The following PRKCE variants were observed in gnomAD, a reference collection of about 807,000 sequenced individuals.
PRKCE encodes protein kinase C epsilon type.
PRKCE carries 16 observed loss-of-function variants against 85.4 expected under a neutral mutation model. That is an observed-to-expected ratio of 0.19 (90% CI 0.13 to 0.28). The LOEUF is 0.28. Among genes scored for constraint, PRKCE ranks in the 10% least tolerant of loss-of-function variants. The pLI is 1.00. For missense variants in PRKCE, 573 were observed against 975.2 expected, an observed-to-expected ratio of 0.59 and a Z score of 5.49; for synonymous variants, 388 against 371.5, an observed-to-expected ratio of 1.04 and a Z score of -0.51.
chr2:46,155,914 C>T lies in PRKCE; in HGVS notation c.1921-3692C>T, dbSNP rs1677149928. On this transcript the variant is annotated intron_variant, in intron 13 of 14. Coordinates refer to ENST00000306156, the MANE Select transcript of PRKCE (RefSeq NM_005400.3). This position sits in a 1 kb window ranked among gnomAD's most constrained non-coding sequence, Gnocchi z 4.7. ...CTCTGTACGTCTATCAGAGTGATCT[C>T]TTAGTGGGTGCAGCGCACCAGCATG... Among the ~76,000 whole-genome samples the T allele has an allele frequency of 6.6e-6, 1 of 151,944 alleles. No individual in the cohort carries two copies. The highest frequency in any genetic ancestry group is 2.4e-5 in the African/African-American group (1 of 41,340).
At chr2:45,980,991 A>G (rs1368961301) in intron 5 of PRKCE, among the ~76,000 whole-genome samples, 1 of 152,252 alleles carries the variant, frequency 6.6e-6, no homozygotes, top group Non-Finnish European at 1.5e-5. Context: ...GCCCAAAATC[A>G]CACAGCTAAG....
chr2:45,748,396 G>A (rs984684372), intron 1 of PRKCE, among the ~76,000 whole-genome samples: 9 of 152,224 alleles, frequency 5.9e-5, no homozygotes, highest in African/African-American at 1.7e-4. Flanking sequence ...GCATCTTCAG[G>A]CTGCGTGAGA....
intron 14 of PRKCE, among the ~76,000 whole-genome samples, chr2:46,163,577 C>T (rs1438681753): frequency 5.9e-5 from 5 of 85,238 alleles, no homozygotes; most frequent in East Asian, 4.2e-4. Flanking sequence ...GAAGCTGAGG[C>T]ACACCCCACA....
intron 2 of PRKCE, among the ~76,000 whole-genome samples, chr2:45,939,110 C>T (rs574102711): frequency 3.2e-4 from 48 of 152,260 alleles, no homozygotes; most frequent in African/African-American, 1.1e-3. Context: ...TTTCTTCTCC[C>T]GGAAAATATA....
chr2:46,078,112 C>T (rs962208682), intron 10 of PRKCE: 1 of 152,168 alleles, frequency 6.6e-6, no homozygotes, highest in African/African-American at 2.4e-5. Flanking sequence ...GACAATAAAA[C>T]ATTTTGGACA....
rs138075089 is a variant in PRKCE at position 45,669,707 on chromosome 2, T to C, written c.348+17259T>C. ...TTTTGGAAAGCAAAAAGGTAGTATC[T>C]GTGAAAATTAAAATGTATATCGGCC... is the stretch of plus-strand genomic sequence containing the variant. On this transcript the variant is annotated intron_variant, in intron 1 of 14. Coordinates refer to ENST00000306156, the MANE Select transcript of PRKCE (RefSeq NM_005400.3). Among the ~76,000 whole-genome samples the C allele has an allele frequency of 6.6e-5, 10 of 152,312 alleles. No individual in the cohort carries two copies. The East Asian group carries it at 1.9e-3, about 29-fold the overall frequency.
intron 2 of PRKCE, among the ~76,000 whole-genome samples, chr2:45,945,076 A>G (rs926025670): frequency 2.6e-5 from 4 of 152,284 alleles, no homozygotes; most frequent in Non-Finnish European, 4.4e-5. Flanking sequence ...AGGCAGGGAA[A>G]CGATGGCCAC....
intron 1 of PRKCE, among the ~76,000 whole-genome samples, chr2:45,723,724 C>T (rs1205661463): frequency 6.6e-6 from 1 of 152,102 alleles, no homozygotes; most frequent in East Asian, 1.9e-4. Flanking sequence ...CCTGCCTCAG[C>T]GTCCTGAATA....
At chr2:46,070,171 G>A (rs1025517330) in intron 10 of PRKCE, among the ~76,000 whole-genome samples, 1 of 152,214 alleles carries the variant, frequency 6.6e-6, no homozygotes, top group African/African-American at 2.4e-5. Flanking sequence ...AAGAAGGCAA[G>A]GGTCCTTTGG....
At chr2:45,700,267 GA>G (rs1468496228) in intron 1 of PRKCE, among the ~76,000 whole-genome samples, 1 of 152,048 alleles carries the variant, frequency 6.6e-6, no homozygotes, top group Non-Finnish European at 1.5e-5. Context: ...TGATGGCAAA[GA>G]GAGACATCTA....
At chr2:46,117,002 C>T (rs1369066496) in intron 11 of PRKCE, among the ~76,000 whole-genome samples, 1 of 152,184 alleles carries the variant, frequency 6.6e-6, no homozygotes, top group African/African-American at 2.4e-5. Context: ...GAAGAAGGAA[C>T]ATGACACAGA....
chr2:45,802,249 C>T (rs1432046834), intron 1 of PRKCE, among the ~76,000 whole-genome samples: 3 of 151,836 alleles, frequency 2.0e-5, no homozygotes, highest in African/African-American at 7.3e-5. Flanking sequence ...AGAGTGAGAC[C>T]CTATCATTCC....
intron 2 of PRKCE, among the ~76,000 whole-genome samples, chr2:45,890,998 C>G (rs1009055654): frequency 3.9e-5 from 6 of 152,204 alleles, no homozygotes; most frequent in Non-Finnish European, 4.4e-5. Context: ...TTTGTCTGCT[C>G]AGCAGAGCTG....
chr2:45,994,012 G>GA, intron 6 of PRKCE, among the ~76,000 whole-genome samples: 1 of 152,054 alleles, frequency 6.6e-6, no homozygotes, highest in East Asian at 1.9e-4. Context: ...AGGCTGGTCT[G>GA]GGGGGGCTCT....
intron 1 of PRKCE, among the ~76,000 whole-genome samples, chr2:45,760,849 T>C (rs1300375643): frequency 1.3e-5 from 2 of 152,128 alleles, no homozygotes; most frequent in Non-Finnish European, 2.9e-5. Flanking sequence ...CTGAGTGTCC[T>C]GGTGTCCAGA....
intron 1 of PRKCE, among the ~76,000 whole-genome samples, chr2:45,841,054 A>G (rs1018509730): frequency 2.6e-5 from 4 of 152,210 alleles, no homozygotes; most frequent in Non-Finnish European, 5.9e-5. Context: ...CCTAAGAGAC[A>G]GTGAGCTACG....
chr2:45,953,143 C>A (rs1317484449), intron 2 of PRKCE, among the ~76,000 whole-genome samples: 1 of 152,214 alleles, frequency 6.6e-6, no homozygotes, highest in Non-Finnish European at 1.5e-5. Context: ...TCTGAACCCC[C>A]TTCCCCATGG....
At chr2:45,747,301 T>C (rs1196499586) in intron 1 of PRKCE, among the ~76,000 whole-genome samples, 3 of 152,212 alleles carry the variant, frequency 2.0e-5, no homozygotes, top group African/African-American at 4.8e-5. Flanking sequence ...GTACATGCAC[T>C]CTCCAGAACT....
In PRKCE at chr2:45,712,103, T is replaced by G. The variant is rs936636092; in HGVS notation, c.348+59655T>G. Among the ~76,000 whole-genome samples, 3 of 150,710 alleles carry G rather than the reference T, an allele frequency of 2.0e-5. No homozygotes were observed. The South Asian group carries it at 6.3e-4, about 32-fold the overall frequency. ...TCTGTGTGCCCTCAGGTGTTCCTGTTGACAGTTGACCTCTTGCCACTCTAC... is the reference window on the plus strand; with the variant it reads ...TCTGTGTGCCCTCAGGTGTTCCTGTGGACAGTTGACCTCTTGCCACTCTAC... On this transcript the variant is annotated intron_variant, in intron 1 of 14. Transcript: ENST00000306156.
Sources: allele counts gnomAD v4.1 joint callset (sites outside exome capture counted in the v4.1 genomes callset), GRCh38; gene constraint gnomAD v4.1.1; non-coding constraint Gnocchi (gnomAD v3.1); transcripts MANE v1.5; gene names NCBI Gene and HGNC (gene_info 2026-07-23, HGNC 2026-07-21).